The following MCUB variants were observed in gnomAD, a reference collection of about 807,000 sequenced individuals.
The protein encoded by MCUB is calcium uniporter regulatory subunit MCUb, mitochondrial.
In MCUB, 46 loss-of-function variants were observed where a neutral mutation model predicts 41.4. That is an observed-to-expected ratio of 1.11 (90% CI 0.88 to 1.42). MCUB has a LOEUF of 1.42. MCUB is among the 40% of genes most tolerant of loss of function. The probability of loss-of-function intolerance (pLI) is 0.00; values close to 1 mark genes in which losing one functional copy is unlikely to be tolerated. For synonymous variants in MCUB, 148 were observed against 148.2 expected (o/e 1.00, Z 0.01); for missense variants, 403 against 404.9 (o/e 1.00, Z 0.04).
chr4:109,606,269 C>T (rs1727868547), intron 1 of MCUB, among the ~76,000 whole-genome samples: 1 of 151,946 alleles, frequency 6.6e-6, no homozygotes, highest in African/African-American at 2.4e-5. Flanking sequence ...GCCACTGTGC[C>T]TGGCCTGTTT....
rs1165767983 is a variant in MCUB at position 109,661,262 on chromosome 4, C to T, written c.346+897C>T. ...TAGAATAAAGAATTATTTACCCTAT[C>T]CCACTACATAGCAGCTGCAAATATA... On this transcript the variant is annotated intron_variant, in intron 3 of 7. Transcript: ENST00000394650. Among the ~76,000 whole-genome samples the T allele has an allele frequency of 3.3e-5, 5 of 152,252 alleles. No homozygotes were observed. The East Asian group carries it at 9.6e-4, about 29-fold the overall frequency.
chr4:109,630,178 T>G (rs1006067477), intron 1 of MCUB, among the ~76,000 whole-genome samples: 3 of 152,214 alleles, frequency 2.0e-5, no homozygotes, highest in African/African-American at 4.8e-5. Flanking sequence ...AAAAGAATTC[T>G]TGTTGGGTGC....
intron 1 of MCUB, among the ~76,000 whole-genome samples, chr4:109,626,539 G>A (rs939517324): frequency 1.6e-4 from 24 of 152,014 alleles, no homozygotes; most frequent in Admixed American, 4.6e-4. Context: ...TGGGCCAGGC[G>A]CAGTGGCTCA....
chr4:109,579,084 G>A (rs1260347400), intron 1 of MCUB, among the ~76,000 whole-genome samples: 1 of 152,150 alleles, frequency 6.6e-6, no homozygotes, highest in East Asian at 1.9e-4. Context: ...TTTTTCCCAT[G>A]ATTTGTTACT....
At chr4:109,653,545 A>G (rs929946177) in intron 1 of MCUB, among the ~76,000 whole-genome samples, 1 of 151,896 alleles carries the variant, frequency 6.6e-6, no homozygotes, top group African/African-American at 2.4e-5. Context: ...TTCGTTTTCT[A>G]TTGACTTTAT....
At chr4:109,605,099 G>C (rs1279378236) in intron 1 of MCUB, among the ~76,000 whole-genome samples, 1 of 152,086 alleles carries the variant, frequency 6.6e-6, no homozygotes, top group Non-Finnish European at 1.5e-5. Flanking sequence ...ATTGATATTA[G>C]TTCTTCTTTA....
At chr4:109,639,324 T>G (rs1728666045) in intron 1 of MCUB, among the ~76,000 whole-genome samples, 1 of 151,888 alleles carries the variant, frequency 6.6e-6, no homozygotes, top group South Asian at 2.1e-4. Flanking sequence ...AACAGATACG[T>G]GAGCAGTAAT....
chr4:109,659,034 A>C lies in MCUB; in HGVS notation c.123A>C (p.Gly41=). ...AGGTTTTGCGTGTGAAGCTGTGTGG[A>C]AATGTGAAATACTACCAGTCACACC... The part of the protein sequence containing the change: ...PPQVLRVKLC[G]NVKYYQSHHY... Residue 41 remains glycine (G), a synonymous_variant, in exon 2 of 8, where the codon GGA becomes GGC. Coordinates refer to ENST00000394650, the MANE Select transcript of MCUB (RefSeq NM_017918.5). 1 of 1,543,046 alleles carries C rather than the reference A, an allele frequency of 6.5e-7. No individual in the cohort carries two copies. Among genetic ancestry groups the C allele is most frequent in the Non-Finnish European group, 8.8e-7 (1 of 1,139,108 alleles).
At chr4:109,678,361 G>A (rs977003219) in intron 4 of MCUB, among the ~76,000 whole-genome samples, 1 of 151,852 alleles carries the variant, frequency 6.6e-6, no homozygotes, top group Non-Finnish European at 1.5e-5. Context: ...CCTCCCAGGT[G>A]GGGCGGCCGG....
chr4:109,644,061 CT>C (rs1431633751), intron 1 of MCUB, among the ~76,000 whole-genome samples: 14 of 151,946 alleles, frequency 9.2e-5, no homozygotes, highest in African/African-American at 3.1e-4. Context: ...TCAGTGGATT[CT>C]TAGAAAATGT....
chr4:109,601,346 A>C (rs1727729638), intron 1 of MCUB, among the ~76,000 whole-genome samples: 1 of 151,892 alleles, frequency 6.6e-6, no homozygotes, highest in African/African-American at 2.4e-5. Flanking sequence ...ATTCTTTCTA[A>C]CTTTTTGGGG....
intron 4 of MCUB, among the ~76,000 whole-genome samples, chr4:109,668,297 T>A (rs1208227696): frequency 1.3e-5 from 2 of 152,184 alleles, no homozygotes; most frequent in African/African-American, 4.8e-5. Context: ...GTTTTTGTTT[T>A]GCCTCATGTA....
intron 1 of MCUB, among the ~76,000 whole-genome samples, chr4:109,631,421 T>A (rs188694833): frequency 1.6e-4 from 25 of 152,358 alleles, no homozygotes; most frequent in Admixed American, 1.4e-3. Flanking sequence ...CTCCTTCACA[T>A]AGCTCTTTTT....
chr4:109,660,168 A>ATTTTTTTTTTTTTTTT, intron 2 of MCUB, 27 bp from the exon 3 acceptor site: 1 of 1,126,340 alleles, frequency 8.9e-7, no homozygotes. Flanking sequence ...AAATTTACTC[A>ATTTTTTTTTTTTTTTT]TTTTTTTTTC....
At chr4:109,572,121 A>C (rs1305754684) in intron 1 of MCUB, among the ~76,000 whole-genome samples, 3 of 152,262 alleles carry the variant, frequency 2.0e-5, no homozygotes, top group Admixed American at 6.5e-5. Flanking sequence ...TCTCTGAAAA[A>C]CTTAAAAAGT....
intron 1 of MCUB, among the ~76,000 whole-genome samples, chr4:109,569,300 C>A (rs1298861009): frequency 6.6e-6 from 1 of 152,082 alleles, no homozygotes; most frequent in Admixed American, 6.5e-5. Flanking sequence ...CCCGTCTCGG[C>A]CTCCCAAAGT....
chr4:109,671,906 G>A (rs1447753377), intron 4 of MCUB, among the ~76,000 whole-genome samples: 1 of 152,098 alleles, frequency 6.6e-6, no homozygotes, highest in Non-Finnish European at 1.5e-5. Flanking sequence ...TGCTGTAGCT[G>A]TAGGTATCAG....
At chr4:109,647,506 C>T (rs140549674) in intron 1 of MCUB, among the ~76,000 whole-genome samples, 298 of 151,700 alleles carry the variant, frequency 2.0e-3, no homozygotes, top group African/African-American at 7.0e-3. Flanking sequence ...CTTTTCATGG[C>T]TTGATAGCTC....
chr4:109,609,985 C>T (rs1428932279), intron 1 of MCUB, among the ~76,000 whole-genome samples: 1 of 152,148 alleles, frequency 6.6e-6, no homozygotes, highest in Non-Finnish European at 1.5e-5. Context: ...ACTCAAACCA[C>T]AAGACAAAGT....
Sources: gnomAD v4.1 joint callset for allele counts (sites outside exome capture counted in the v4.1 genomes callset) on GRCh38, gnomAD v4.1.1 for gene constraint, MANE v1.5 for transcripts, NCBI Gene and HGNC (gene_info 2026-07-23, HGNC 2026-07-21) for gene names.